PCDHGB2: variants seen among roughly 807,000 people sequenced by gnomAD.
The protein encoded by PCDHGB2 is protocadherin gamma subfamily B, 2, also known as protocadherin gamma-B2.
Under a neutral mutation model 59.3 loss-of-function variants are expected in PCDHGB2, and 55 were observed. The ratio of observed to expected loss-of-function variants is 0.93; its 90% CI spans 0.75 to 1.16. PCDHGB2 has a LOEUF of 1.16. PCDHGB2 is among the 50% of genes most tolerant of loss of function. The probability of loss-of-function intolerance (pLI) is 0.00; values close to 1 mark genes in which losing one functional copy is unlikely to be tolerated. For missense variants in PCDHGB2, 1,228 were observed against 1,198.5 expected (o/e 1.02, Z -0.36); for synonymous variants, 516 against 512.0 (o/e 1.01, Z -0.11).
At position 141,486,883 on chromosome 5, in the gene PCDHGB2, C is replaced by G. The variant is rs1234866888; in HGVS notation, c.2422-7924C>G. The G allele has an allele frequency of 1.2e-6, 2 of 1,614,214 alleles. No individual in the cohort carries two copies. ...CTCCAGCTGTGCTCCGTCCTCGGGC[C>G]CGGCCTGGTTCCTTATGTCCCCAAG... On this transcript the variant is annotated intron_variant, in intron 1 of 3. Coordinates refer to ENST00000522605, the MANE Select transcript of PCDHGB2 (RefSeq NM_018923.3). The surrounding 1 kb of genome is among the most constrained non-coding windows in gnomAD (Gnocchi z 5.0).
At position 141,433,188 on chromosome 5, in the gene PCDHGB2, G is replaced by A. The variant is rs2097573612; in HGVS notation, c.2422-61619G>A. The A allele has an allele frequency of 2.5e-6, 4 of 1,583,816 alleles. No homozygotes were observed. The South Asian group carries it at 3.5e-5, about 14-fold the overall frequency. On this transcript the variant is annotated intron_variant, in intron 1 of 3. Coordinates refer to ENST00000522605, the MANE Select transcript of PCDHGB2 (RefSeq NM_018923.3). ...GACAGTCATGGGTTAATTGAGGTGA[G>A]TTTATATCAAATCTTCTTTCTTTTT...
intron 1 of PCDHGB2, chr5:141,408,704 A>G: frequency 1.2e-6 from 2 of 1,613,236 alleles, no homozygotes; most frequent in Non-Finnish European, 1.7e-6. Context: ...AAACTCAATT[A>G]AAGATTATAA....
intron 1 of PCDHGB2, among the ~76,000 whole-genome samples, chr5:141,446,120 T>C (rs2098489182): frequency 6.6e-6 from 1 of 152,196 alleles, no homozygotes; most frequent in Admixed American, 6.5e-5. Flanking sequence ...AGGAAATGGG[T>C]TCAATAAGAC....
chr5:141,423,101 G>A (rs757127033), intron 1 of PCDHGB2: 3 of 1,613,966 alleles, frequency 1.9e-6, no homozygotes, highest in South Asian at 1.1e-5. Context: ...GAGCACACGG[G>A]CGAGGTGCGT....
At position 141,412,100 on chromosome 5, in the gene PCDHGB2, C is replaced by T. The variant is rs1041242156; in HGVS notation, c.2421+49544C>T. On this transcript the variant is annotated intron_variant, in intron 1 of 3. Coordinates refer to ENST00000522605, the MANE Select transcript of PCDHGB2 (RefSeq NM_018923.3). ...TTGCTACTGGGTTGATGGGCACACA[C>T]AGTTGAAGATATGTGAACCACTGGA... The T allele has an allele frequency of 2.0e-5, 3 of 152,180 alleles. No homozygotes were observed. In the South Asian group the frequency reaches 6.2e-4, roughly 31 times the overall value. 9.4% of individuals were successfully genotyped at this position (152,180 alleles called of 1,614,324 possible).
intron 1 of PCDHGB2, chr5:141,393,813 C>G (rs376904307): frequency 1.2e-6 from 2 of 1,613,814 alleles, no homozygotes; most frequent in Non-Finnish European, 8.5e-7. Flanking sequence ...GACCAAATTG[C>G]TCATTTCGGT....
At chr5:141,393,848 A>T (rs1368797606) in intron 1 of PCDHGB2, 6 of 1,614,008 alleles carry the variant, frequency 3.7e-6, no homozygotes, top group Non-Finnish European at 5.1e-6. Flanking sequence ...ACAATAGACC[A>T]GAAGTGATCA....
rs776132438 is a variant in PCDHGB2 at position 141,432,197 on chromosome 5, G to A, written c.2422-62610G>A. The A allele has an allele frequency of 2.5e-6, 4 of 1,614,112 alleles. No individual in the cohort carries two copies. The South Asian group carries it at 3.3e-5, about 13-fold the overall frequency. The stretch of plus-strand genomic sequence containing the variant: ...CGTCTCTGTGACCGCCCACGACCCC[G>A]ACTGTGAAGAGAACGCCCAGATCAC... On this transcript the variant is annotated intron_variant, in intron 1 of 3. Coordinates refer to ENST00000522605, the MANE Select transcript of PCDHGB2 (RefSeq NM_018923.3). The surrounding 1 kb of genome is among the most constrained non-coding windows in gnomAD (Gnocchi z 6.0).
In PCDHGB2 at chr5:141,489,610, C is replaced by A; in HGVS notation, c.2422-5197C>A. 6.2e-7 allele frequency: 1 copy of A among 1,614,090 alleles called. No individual in the cohort carries two copies. Among genetic ancestry groups the A allele is most frequent in the Non-Finnish European group, 8.5e-7 (1 of 1,179,990 alleles). ...GCTAATCCGTGTAGAGGTAGAGATCCTGGATCTCAATGACAACTCTCCTAG... is the reference window on the plus strand; with the variant it reads ...GCTAATCCGTGTAGAGGTAGAGATCATGGATCTCAATGACAACTCTCCTAG... On this transcript the variant is annotated intron_variant, in intron 1 of 3. Transcript: ENST00000522605. The surrounding 1 kb of genome is among the most constrained non-coding windows in gnomAD (Gnocchi z 4.5).
chr5:141,504,765 C>T lies in PCDHGB2; in HGVS notation c.2481-628C>T, dbSNP rs548234873. ...ATTGAATTTTAGAAATTTCTTCTCC[C>T]TGCTCCAGGGTCTCTTGGGGCCTCC... On this transcript the variant is annotated intron_variant, in intron 2 of 3. Transcript: ENST00000522605. Among the ~76,000 whole-genome samples, 4 of 152,156 alleles carry T rather than the reference C, an allele frequency of 2.6e-5. No homozygotes were observed. The South Asian group carries it at 8.3e-4, about 32-fold the overall frequency.
At chr5:141,404,142 CAGA>C (rs781433913) in intron 1 of PCDHGB2, 21 of 1,612,668 alleles carry the variant, frequency 1.3e-5, no homozygotes, top group Middle Eastern at 1.6e-4. Context: ...TTAGAAAATT[CAGA>C]AGAAGATTAT....
At chr5:141,383,574 C>CG in intron 1 of PCDHGB2, 1 of 1,613,366 alleles carries the variant, frequency 6.2e-7, no homozygotes, top group African/African-American at 1.3e-5. Flanking sequence ...GATCCAGCAC[C>CG]GCCCACATCC....
intron 1 of PCDHGB2, chr5:141,374,038 T>C (rs1253900067): frequency 8.3e-6 from 12 of 1,449,244 alleles, no homozygotes; most frequent in South Asian, 1.6e-5. Context: ...GATGCAGATC[T>C]GTTCTTCCTC....
intron 1 of PCDHGB2, chr5:141,408,971 C>A: frequency 6.2e-7 from 1 of 1,613,816 alleles, no homozygotes; most frequent in Non-Finnish European, 8.5e-7. Context: ...AAATCTGCCC[C>A]CTGGGTCCCC....
intron 1 of PCDHGB2, chr5:141,387,564 A>G: frequency 4.5e-6 from 2 of 442,524 alleles, no homozygotes; most frequent in Non-Finnish European, 8.0e-6. Context: ...TAGGCACACA[A>G]TTATAATTAT....
intron 1 of PCDHGB2, chr5:141,400,097 A>G: frequency 6.2e-7 from 1 of 1,614,048 alleles, no homozygotes; most frequent in Non-Finnish European, 8.5e-7. Flanking sequence ...GCCACGCTGC[A>G]CTTGGTCTTT....
intron 1 of PCDHGB2, chr5:141,374,178 G>T: frequency 1.9e-6 from 3 of 1,613,614 alleles, no homozygotes; most frequent in Non-Finnish European, 2.5e-6. Flanking sequence ...GCGCAGATCC[G>T]CTACTCTATT....
In PCDHGB2 at chr5:141,489,483, T is replaced by C. The variant is rs2099687756; in HGVS notation, c.2422-5324T>C. ...GCTATTTTTCCCTGAGCTTGATGAGTGGTGCCCTGGCAGTGAATCAAAAGA... is the reference window on the plus strand; with the variant it reads ...GCTATTTTTCCCTGAGCTTGATGAGCGGTGCCCTGGCAGTGAATCAAAAGA... On this transcript the variant is annotated intron_variant, in intron 1 of 3. Coordinates refer to ENST00000522605, the MANE Select transcript of PCDHGB2 (RefSeq NM_018923.3). This position sits in a 1 kb window ranked among gnomAD's most constrained non-coding sequence, Gnocchi z 4.5. 1 of 1,613,862 alleles carries C rather than the reference T, an allele frequency of 6.2e-7. No individual in the cohort carries two copies. The highest frequency in any genetic ancestry group is 1.1e-5 in the South Asian group (1 of 91,078).
In PCDHGB2 at chr5:141,403,923, G is replaced by T. The variant is rs199643799; in HGVS notation, c.2421+41367G>T. 1.2e-3 allele frequency: 1,935 copies of T among 1,613,900 alleles called. 4 individuals carry two copies. Among genetic ancestry groups the T allele is most frequent in the Non-Finnish European group, 1.5e-3 (1,744 of 1,179,882 alleles). On this transcript the variant is annotated intron_variant, in intron 1 of 3. Transcript: ENST00000522605. The stretch of plus-strand genomic sequence containing the variant: ...GAAATGGAAATACAAGCTGAAGATG[G>T]TGGGGGATTGAAAGGGTGGACAAAA...
Sources: allele counts gnomAD v4.1 joint callset (sites outside exome capture counted in the v4.1 genomes callset), GRCh38; gene constraint gnomAD v4.1.1; non-coding constraint Gnocchi (gnomAD v3.1); transcripts MANE v1.5; gene names NCBI Gene and HGNC (gene_info 2026-07-23, HGNC 2026-07-21).